THSD4: variants seen among roughly 807,000 people sequenced by gnomAD.
The protein encoded by THSD4 is thrombospondin type 1 domain containing 4, also known as thrombospondin type-1 domain-containing protein 4.
Under a neutral mutation model 119.0 loss-of-function variants are expected in THSD4, and 69 were observed. That is an observed-to-expected ratio of 0.58 (90% CI 0.48 to 0.71). The LOEUF (loss-of-function observed/expected upper bound fraction) is 0.71, where lower values mean the gene tolerates loss of function less well. THSD4 is among the 30% of genes least tolerant of loss of function. The pLI is 0.00. For missense variants in THSD4, 1,393 were observed against 1,391.1 expected, an observed-to-expected ratio of 1.00 and a Z score of -0.02; for synonymous variants, 524 against 540.4, an observed-to-expected ratio of 0.97 and a Z score of 0.42.
intron 7 of THSD4, among the ~76,000 whole-genome samples, chr15:71,476,254 C>T (rs536294909): frequency 5.9e-5 from 9 of 152,114 alleles, no homozygotes; most frequent in African/African-American, 1.2e-4. Flanking sequence ...TTTTTTGAGG[C>T]AGAGTCTCGT....
chr15:71,569,781 G>C (rs543283111), intron 7 of THSD4, among the ~76,000 whole-genome samples: 1 of 152,300 alleles, frequency 6.6e-6, no homozygotes, highest in African/African-American at 2.4e-5. Context: ...ATCACTTGAG[G>C]TCAGGAGTTG....
At position 71,724,287 on chromosome 15, in the gene THSD4, A is replaced by ATATATATATTTT; in HGVS notation, c.1358-4261_1358-4260insATATATATTTTT. ...ATGGGATATATATATATATATATAT[A>ATATATATATTTT]TTTTTTTTTTCCCCCCAAGATGGAA... On this transcript the variant is annotated intron_variant, in intron 8 of 17. Transcript: ENST00000261862. Among the ~76,000 whole-genome samples the ATATATATATTTT allele has an allele frequency of 2.8e-3, 104 of 37,264 alleles. 7 individuals carry two copies. The highest frequency in any genetic ancestry group is 0.021 in the Middle Eastern group (1 of 48). The allele number at this position is 37,264 out of a possible 152,430, so 24.4% of individuals were successfully genotyped here.
intron 2 of THSD4, among the ~76,000 whole-genome samples, chr15:71,144,231 T>C (rs1356748621): frequency 6.6e-6 from 1 of 152,218 alleles, no homozygotes; most frequent in Admixed American, 6.5e-5. Context: ...AACTCCCTTC[T>C]TCATAAACCA....
At chr15:71,168,166 G>C (rs760877890) in intron 3 of THSD4, among the ~76,000 whole-genome samples, 6 of 152,196 alleles carry the variant, frequency 3.9e-5, no homozygotes, top group Admixed American at 6.5e-5. Context: ...TGTGGATAAA[G>C]TGAAACCAAG....
intron 3 of THSD4, among the ~76,000 whole-genome samples, chr15:71,188,487 T>C (rs1297380004): frequency 6.6e-6 from 1 of 152,034 alleles, no homozygotes; most frequent in Non-Finnish European, 1.5e-5. Flanking sequence ...GAGATACTGG[T>C]GTGAAATAGC....
intron 8 of THSD4, among the ~76,000 whole-genome samples, chr15:71,691,852 C>T (rs954592997): frequency 2.0e-5 from 3 of 151,964 alleles, no homozygotes; most frequent in East Asian, 3.9e-4. Context: ...CTGGACATGG[C>T]GAATACATGA....
At chr15:71,306,165 G>T (rs948995109) in intron 6 of THSD4, among the ~76,000 whole-genome samples, 1 of 151,958 alleles carries the variant, frequency 6.6e-6, no homozygotes, top group Non-Finnish European at 1.5e-5. Context: ...AATCAGCCGG[G>T]CGTGGTGGTG....
chr15:71,703,950 C>T (rs762946812), intron 8 of THSD4, among the ~76,000 whole-genome samples: 8 of 152,122 alleles, frequency 5.3e-5, no homozygotes, highest in Admixed American at 2.6e-4. Flanking sequence ...CCCGGGTTCA[C>T]GCCATTCTTC....
intron 7 of THSD4, among the ~76,000 whole-genome samples, chr15:71,425,510 AAT>A (rs1368404495): frequency 6.6e-6 from 1 of 152,182 alleles, no homozygotes; most frequent in East Asian, 1.9e-4. Flanking sequence ...GCGCCTATGG[AAT>A]AAAGTCCCAA....
At chr15:71,727,821 A>G (rs1380439404) in intron 8 of THSD4, among the ~76,000 whole-genome samples, 1 of 151,248 alleles carries the variant, frequency 6.6e-6, no homozygotes, top group Non-Finnish European at 1.5e-5. Context: ...TAAGAAAAAG[A>G]ACAATGCAAG....
intron 7 of THSD4, among the ~76,000 whole-genome samples, chr15:71,464,501 C>A (rs2047473078): frequency 6.6e-6 from 1 of 152,146 alleles, no homozygotes; most frequent in African/African-American, 2.4e-5. Context: ...TTCAAGGTAG[C>A]CGTGTTACCC....
chr15:71,610,434 G>A lies in THSD4; in HGVS notation c.1153-50096G>A, dbSNP rs374958744. On this transcript the variant is annotated intron_variant, in intron 7 of 17. Transcript: ENST00000261862. Reference sequence around the variant, plus strand: ...CTGCAATTCTTAGGAAGGCACTGGGGCATACTCAAGGCAATGAGAATTTTT... The same window carrying A: ...CTGCAATTCTTAGGAAGGCACTGGGACATACTCAAGGCAATGAGAATTTTT... 1.2e-4 allele frequency among the ~76,000 whole-genome samples: 19 copies of A among 152,192 alleles called. No individual in the cohort carries two copies. The East Asian group carries it at 3.7e-3, about 29-fold the overall frequency.
At chr15:71,389,007 A>G (rs141440028) in intron 6 of THSD4, among the ~76,000 whole-genome samples, 415 of 151,986 alleles carry the variant, frequency 2.7e-3, no homozygotes, top group African/African-American at 9.7e-3. Context: ...CTTGGTTCTC[A>G]TTCTCTCTCT....
At chr15:71,620,382 TA>T (rs1486144070) in intron 7 of THSD4, among the ~76,000 whole-genome samples, 2 of 152,064 alleles carry the variant, frequency 1.3e-5, no homozygotes, top group Admixed American at 1.3e-4. Flanking sequence ...TGCTTGAGAC[TA>T]GGAGTTAGAG....
Position 71,222,437 on chromosome 15 carries a change from G to A in THSD4, c.464+7038G>A, listed in dbSNP as rs529431257. ...TAACCAGCTGGAATCTGGGGAATGG[G>A]ATATTTGATGGCTTTAATTCAGATT... On this transcript the variant is annotated intron_variant, in intron 4 of 17. Coordinates refer to ENST00000261862, the MANE Select transcript of THSD4 (RefSeq NM_024817.3). Among the ~76,000 whole-genome samples the A allele has an allele frequency of 2.6e-5, 4 of 152,310 alleles. No individual in the cohort carries two copies. In the East Asian group the frequency reaches 7.7e-4, roughly 29 times the overall value.
intron 7 of THSD4, among the ~76,000 whole-genome samples, chr15:71,574,458 C>T (rs2049412514): frequency 6.6e-6 from 1 of 152,110 alleles, no homozygotes; most frequent in African/African-American, 2.4e-5. Context: ...AAACCAAGAT[C>T]ATATAATTAA....
At chr15:71,344,843 G>A (rs909775580) in intron 6 of THSD4, among the ~76,000 whole-genome samples, 19 of 152,186 alleles carry the variant, frequency 1.2e-4, no homozygotes, top group African/African-American at 4.3e-4. Context: ...GCCGTGGGAA[G>A]GATTTTGAAA....
chr15:71,507,573 T>G (rs1360211625), intron 7 of THSD4, among the ~76,000 whole-genome samples: 3 of 152,132 alleles, frequency 2.0e-5, no homozygotes, highest in Non-Finnish European at 2.9e-5. Flanking sequence ...GTTTGAAAGG[T>G]GGGGGCTGAG....
At chr15:71,544,817 C>A (rs1409169465) in intron 7 of THSD4, among the ~76,000 whole-genome samples, 1 of 152,196 alleles carries the variant, frequency 6.6e-6, no homozygotes, top group Non-Finnish European at 1.5e-5. Flanking sequence ...ATGGATATTG[C>A]TTAACCTTAA....
Sources: allele counts gnomAD v4.1 joint callset (sites outside exome capture counted in the v4.1 genomes callset), GRCh38; gene constraint gnomAD v4.1.1; transcripts MANE v1.5; gene names NCBI Gene and HGNC (gene_info 2026-07-23, HGNC 2026-07-21).